Variants in PDS5B observed in about 807,000 individuals in gnomAD.
PDS5B encodes sister chromatid cohesion protein PDS5 homolog B.
PDS5B carries 51 observed loss-of-function variants against 184.1 expected under a neutral mutation model. That is an observed-to-expected ratio of 0.28 (90% CI 0.22 to 0.35). The LOEUF (loss-of-function observed/expected upper bound fraction) is 0.35. Ranked by LOEUF, PDS5B falls within the 10% of genes least tolerant of loss-of-function variation. The probability of loss-of-function intolerance (pLI) is 1.00; values close to 1 mark genes in which losing one functional copy is unlikely to be tolerated. For synonymous variants in PDS5B, 566 were observed against 569.2 expected (o/e 0.99, Z 0.08); for missense variants, 1,180 against 1,723.3 (o/e 0.68, Z 5.58).
At chr13:32,673,673 T>C (rs557995254) in intron 8 of PDS5B, among the ~76,000 whole-genome samples, 1 of 152,336 alleles carries the variant, frequency 6.6e-6, no homozygotes, top group Non-Finnish European at 1.5e-5. Context: ...AGGCACAGTT[T>C]ATAGTAGTTC....
chr13:32,633,372 A>G (rs1184173673), intron 1 of PDS5B, among the ~76,000 whole-genome samples: 4 of 152,244 alleles, frequency 2.6e-5, no homozygotes, highest in Admixed American at 6.5e-5. Flanking sequence ...ACTCTAAAAG[A>G]TGAATTATTT....
At chr13:32,698,898 A>G (rs192187866) in intron 15 of PDS5B, among the ~76,000 whole-genome samples, 2,382 of 151,970 alleles carry the variant, frequency 0.016, 35 homozygotes, top group Middle Eastern at 0.071. Flanking sequence ...GATTACAGTC[A>G]CCTGCCACCA....
In PDS5B at chr13:32,776,933, AT is replaced by A. The variant is rs1419383321; in HGVS notation, c.*1882del. ...ACCAGTAATTATGAGAGGCTGTCAT[AT>A]ATCAAAGCAGCTCAGGTGGGATCAA... On this transcript the variant is annotated 3_prime_UTR_variant, in exon 35 of 35. Transcript: ENST00000315596. The A allele has an allele frequency of 6.6e-6, 1 of 152,486 alleles. No individual in the cohort carries two copies. The highest frequency in any genetic ancestry group is 1.5e-5 in the Non-Finnish European group (1 of 67,906). The allele number at this position is 152,486 out of a possible 1,614,324, so 9.4% of individuals were successfully genotyped here. A position where few individuals can be genotyped will look rare whatever the true frequency, so the allele number is the denominator to read the frequency against.
intron 21 of PDS5B, among the ~76,000 whole-genome samples, chr13:32,740,692 T>G (rs1056852043): frequency 6.6e-6 from 1 of 152,154 alleles, no homozygotes; most frequent in African/African-American, 2.4e-5. Flanking sequence ...AAGATTTTTT[T>G]TTTTTATACC....
rs549092265 is a variant in PDS5B, at chr13:32,686,972, GT to G, written c.1204-153del. On this transcript the variant is annotated intron_variant, in intron 11 of 34. Coordinates refer to ENST00000315596, the MANE Select transcript of PDS5B (RefSeq NM_015032.4). ...GTAGAAATATTTATGTGATAGTTGT[GT>G]TTTTTTTTAATAAATGTAGTAATTA... is the stretch of plus-strand genomic sequence containing the variant. Among the ~76,000 whole-genome samples, 61 of 150,568 alleles carry G rather than the reference GT, an allele frequency of 4.1e-4. 1 individual carries two copies. The South Asian group carries it at 0.01, about 25-fold the overall frequency.
At chr13:32,635,690 T>C (rs2058540487) in intron 1 of PDS5B, among the ~76,000 whole-genome samples, 1 of 150,988 alleles carries the variant, frequency 6.6e-6, no homozygotes, top group Non-Finnish European at 1.5e-5. Context: ...AGCTAAAATA[T>C]CTTTGTGCCT....
intron 19 of PDS5B, among the ~76,000 whole-genome samples, chr13:32,711,538 A>T (rs2140896657): frequency 6.6e-6 from 1 of 152,038 alleles, no homozygotes; most frequent in South Asian, 2.1e-4. Flanking sequence ...TTGTATTTTT[A>T]ATAGAGACAG....
At chr13:32,679,909 G>GTGTCTGTC (rs1555301533) in intron 10 of PDS5B, among the ~76,000 whole-genome samples, 1 of 149,390 alleles carries the variant, frequency 6.7e-6, no homozygotes, top group East Asian at 2.0e-4. Flanking sequence ...GTGTGTGTGT[G>GTGTCTGTC]TGTGTGTCTG....
chr13:32,596,280 C>T (rs1027293797), intron 1 of PDS5B, among the ~76,000 whole-genome samples: 1 of 152,210 alleles, frequency 6.6e-6, no homozygotes, highest in African/African-American at 2.4e-5. Flanking sequence ...TTTGTTCTAT[C>T]TTCATACAGT....
chr13:32,655,159 C>G (rs1441494027), intron 3 of PDS5B, among the ~76,000 whole-genome samples: 1 of 150,544 alleles, frequency 6.6e-6, no homozygotes, highest in Non-Finnish European at 1.5e-5. Flanking sequence ...TGTATCAGCA[C>G]TTCCTTTTCT....
At position 32,732,133 on chromosome 13, in the gene PDS5B, A is replaced by C. The variant is rs919311339; in HGVS notation, c.2156A>C (p.Lys719Thr). The C allele has an allele frequency of 6.2e-7, 1 of 1,610,734 alleles. No individual in the cohort carries two copies. Among genetic ancestry groups the C allele is most frequent in the Admixed American group, 1.7e-5 (1 of 59,854 alleles). Residue 719 changes from lysine to threonine, a missense_variant, in exon 20 of 35, where the codon AAA (lysine) becomes ACA (threonine). Physicochemically the swap from Lys to Thr is moderately conservative, Grantham distance 78. Coordinates refer to ENST00000315596, the MANE Select transcript of PDS5B (RefSeq NM_015032.4). ...CTTCCTGTTTTACATCACAAATCTAAAAAAGGACCCCCCCGTCAAGCCAAA... is the reference window on the plus strand; with the variant it reads ...CTTCCTGTTTTACATCACAAATCTACAAAAGGACCCCCCCGTCAAGCCAAA... ...ALLPVLHHKS[K>T]KGPPRQAKYA...
rs759963421 is a variant in PDS5B, at chr13:32,759,639, C to T, written c.3321C>T (p.Asn1107=). The T allele has an allele frequency of 3.2e-6, 5 of 1,549,978 alleles. No individual in the cohort carries two copies. The African/African-American group carries it at 6.8e-5, about 21-fold the overall frequency. The change falls in exon 29 of 35, where the codon AAC becomes AAT. Residue 1107 remains asparagine (N), a synonymous_variant. Transcript: ENST00000315596. ...FFTQPDKNFS[N]TKNYLPPEMK... ...TCTCTTGGTTGTAGAATTTCAGTAA[C>T]ACCAAAAATTATCTGCCTCCTGAAA...
At chr13:32,651,726 A>C in intron 2 of PDS5B, 78 bp from the exon 3 acceptor site, 1 of 816,520 alleles carries the variant, frequency 1.2e-6, no homozygotes, top group Non-Finnish European at 2.0e-6. Flanking sequence ...TAACCTTAGC[A>C]ATTAACATGA....
intron 1 of PDS5B, among the ~76,000 whole-genome samples, chr13:32,627,853 T>C (rs910587684): frequency 6.6e-6 from 1 of 151,678 alleles, no homozygotes; most frequent in Non-Finnish European, 1.5e-5. Flanking sequence ...CACTGGGAGG[T>C]GGAGGAGAAA....
intron 1 of PDS5B, among the ~76,000 whole-genome samples, chr13:32,635,224 G>A (rs570935617): frequency 1.1e-4 from 11 of 103,878 alleles, no homozygotes; most frequent in African/African-American, 3.7e-4. Flanking sequence ...TTGTGGAGAT[G>A]GGGGGGTCTC....
At chr13:32,658,350 A>G in intron 4 of PDS5B, 25 bp downstream of exon 4, 1 of 1,419,438 alleles carries the variant, frequency 7.0e-7, no homozygotes. Flanking sequence ...GTATCTTGAG[A>G]TGACATTTTA....
chr13:32,700,165 A>G (rs1363053304), intron 16 of PDS5B, among the ~76,000 whole-genome samples: 1 of 152,148 alleles, frequency 6.6e-6, no homozygotes, highest in Non-Finnish European at 1.5e-5. Flanking sequence ...TTTGTTGAGT[A>G]GTCCACTAAG....
chr13:32,730,050 T>G (rs556856519), intron 19 of PDS5B, among the ~76,000 whole-genome samples: 20 of 134,606 alleles, frequency 1.5e-4, no homozygotes, highest in African/African-American at 5.0e-4. Context: ...TTTACCTAGG[T>G]TTTCTTCTAA....
chr13:32,760,684 G>A lies in PDS5B; in HGVS notation c.3482G>A (p.Ser1161Asn). ...RMETVSNASSSSNPSSPGRIK... is the reference protein window; with the variant it reads ...RMETVSNASSNSNPSSPGRIK... ...GAAACTGTAAGCAATGCAAGCAGCAGCTCAAATCCAAGCTCTCCTGGAAGA... is the reference window on the plus strand; with the variant it reads ...GAAACTGTAAGCAATGCAAGCAGCAACTCAAATCCAAGCTCTCCTGGAAGA... Residue 1161 changes from serine (S) to asparagine (N), a missense_variant, in exon 30 of 35, where the codon AGC becomes AAC. Ser to Asn is a conservative substitution (Grantham distance 46). Coordinates refer to ENST00000315596, the MANE Select transcript of PDS5B (RefSeq NM_015032.4). 1 of 1,614,024 alleles carries A rather than the reference G, an allele frequency of 6.2e-7. No homozygotes were observed. Among genetic ancestry groups the A allele is most frequent in the Non-Finnish European group, 8.5e-7 (1 of 1,179,952 alleles).
Sources: allele counts gnomAD v4.1 joint callset (sites outside exome capture counted in the v4.1 genomes callset), GRCh38; gene constraint gnomAD v4.1.1; transcripts MANE v1.5; gene names NCBI Gene and HGNC (gene_info 2026-07-23, HGNC 2026-07-21).